AGBL2: variants seen among roughly 807,000 people sequenced by gnomAD.
AGBL2 encodes the protein cytosolic carboxypeptidase 2.
In AGBL2, 87 loss-of-function variants were observed where a neutral mutation model predicts 103.0. The ratio of observed to expected loss-of-function variants is 0.84; its 90% CI spans 0.71 to 1.01. The LOEUF is 1.01. Ranked by LOEUF, AGBL2 falls within the 50% of genes least tolerant of loss-of-function variation. The pLI is 0.00. For missense variants in AGBL2, 904 were observed against 1,023.5 expected, an observed-to-expected ratio of 0.88 and a Z score of 1.59; for synonymous variants, 335 against 356.7, an observed-to-expected ratio of 0.94 and a Z score of 0.69.
At chr11:47,676,781 T>C (rs938344906) in intron 14 of AGBL2, among the ~76,000 whole-genome samples, 1 of 135,974 alleles carries the variant, frequency 7.4e-6, no homozygotes, top group East Asian at 2.1e-4. Context: ...ATCGCGCCAC[T>C]GCAGCCTGGG....
At chr11:47,711,412 A>T (rs1438198991) in intron 3 of AGBL2, among the ~76,000 whole-genome samples, 1 of 152,130 alleles carries the variant, frequency 6.6e-6, no homozygotes, top group Non-Finnish European at 1.5e-5. Flanking sequence ...TCCTCCCCTC[A>T]CTTGCTTGCC....
At chr11:47,675,199 CTTTTTTTTTT>C (rs34012734) in intron 14 of AGBL2, among the ~76,000 whole-genome samples, 1 of 58,206 alleles carries the variant, frequency 1.7e-5, no homozygotes, top group East Asian at 4.8e-4. Flanking sequence ...TCCCACCAGT[CTTTTTTTTTT>C]TTTTTTTTTT....
chr11:47,706,736 G>T (rs1187250736), intron 4 of AGBL2, among the ~76,000 whole-genome samples: 1 of 151,542 alleles, frequency 6.6e-6, no homozygotes, highest in Non-Finnish European at 1.5e-5. Flanking sequence ...CATATGAAAA[G>T]GCTTTCTCTT....
rs56307962 is a variant in AGBL2 at position 47,679,058 on chromosome 11, C to CAAAAAAAA, written c.2016+907_2016+914dup. On this transcript the variant is annotated intron_variant, in intron 13 of 18. Coordinates refer to ENST00000525123, the MANE Select transcript of AGBL2 (RefSeq NM_024783.4). ...TGGGCGACAGATGGAGACCCTGTCTCAAAAAAAAAAAAAAAAAAAAAAAAA... is the reference window on the plus strand; with the variant it reads ...TGGGCGACAGATGGAGACCCTGTCTCAAAAAAAAAAAAAAAAAAAAAAAAAAAAAAAAA... 8.2e-3 allele frequency among the ~76,000 whole-genome samples: 232 copies of CAAAAAAAA among 28,220 alleles called. 4 individuals carry two copies. Among genetic ancestry groups the CAAAAAAAA allele is most frequent in the Middle Eastern group, 0.036 (1 of 28 alleles). The allele number at this position is 28,220 out of a possible 152,430, so 18.5% of individuals were successfully genotyped here. A position where few individuals can be genotyped will look rare whatever the true frequency, so the allele number is the denominator to read the frequency against.
chr11:47,711,547 TCCC>T (rs2097536424), intron 3 of AGBL2, among the ~76,000 whole-genome samples: 1 of 152,160 alleles, frequency 6.6e-6, no homozygotes, highest in Admixed American at 6.5e-5. Flanking sequence ...AATGTCTCTC[TCCC>T]CATGAAGAGG....
intron 1 of AGBL2, 193 bp downstream of exon 1, chr11:47,714,982 C>T (rs1235321354): frequency 3.0e-6 from 1 of 329,088 alleles, no homozygotes; most frequent in Non-Finnish European, 5.8e-6. Flanking sequence ...GAGATGCTCG[C>T]CACAGGAAAG....
intron 13 of AGBL2, among the ~76,000 whole-genome samples, chr11:47,678,338 A>ATTTTATTT (rs2097385349): frequency 1.0e-5 from 1 of 95,246 alleles, no homozygotes; most frequent in African/African-American, 4.4e-5. Flanking sequence ...TTATTTTATT[A>ATTTTATTT]TTTTATTTTT....
At chr11:47,673,539 C>T (rs567576993) in intron 14 of AGBL2, among the ~76,000 whole-genome samples, 48 of 151,172 alleles carry the variant, frequency 3.2e-4, no homozygotes, top group African/African-American at 1.1e-3. Flanking sequence ...GCAGGAGAAT[C>T]GCTTGAGCCC....
At chr11:47,711,015 TGCA>T in intron 3 of AGBL2, 1 of 356,726 alleles carries the variant, frequency 2.8e-6, no homozygotes, top group Non-Finnish European at 5.4e-6. Context: ...CTCAATAACA[TGCA>T]GTTTACCCAT....
chr11:47,666,683 G>A (rs971400331), intron 17 of AGBL2: 7 of 591,862 alleles, frequency 1.2e-5, no homozygotes, highest in Non-Finnish European at 2.1e-5. Context: ...AGATGGGTGA[G>A]TAGAGGGATG....
chr11:47,714,371 A>G (rs2097544173), intron 2 of AGBL2, 24 bp from the exon 3 acceptor site: 1 of 1,604,882 alleles, frequency 6.2e-7, no homozygotes, highest in Non-Finnish European at 8.5e-7. Flanking sequence ...GGCCACTTCA[A>G]TCAAGATAAT....
At chr11:47,690,882 C>G in intron 9 of AGBL2, 24 bp from the exon 10 acceptor site, 1 of 1,575,744 alleles carries the variant, frequency 6.3e-7, no homozygotes, top group Non-Finnish European at 8.6e-7. Flanking sequence ...AATAGAACAA[C>G]TCTGTAAGCT....
At position 47,696,017 on chromosome 11, in the gene AGBL2, A is replaced by G. The variant is rs1422903966; in HGVS notation, c.694+3429T>C. ...CCGTCTGTACTAAAAATACAAAAAA[A>G]AAAAAAAAAAAAAAAAAAAGAAAAA... is the stretch of plus-strand genomic sequence containing the variant. On this transcript the variant is annotated intron_variant, in intron 8 of 18. Coordinates refer to ENST00000525123, the MANE Select transcript of AGBL2 (RefSeq NM_024783.4). Among the ~76,000 whole-genome samples the G allele has an allele frequency of 2.4e-4, 7 of 29,158 alleles. No homozygotes were observed. In the East Asian group the frequency reaches 6.2e-3, roughly 26 times the overall value. 19.1% of individuals were successfully genotyped at this position (29,158 alleles called of 152,430 possible).
chr11:47,714,381 T>C (rs757840988), intron 2 of AGBL2, 34 bp from the exon 3 acceptor site: 3 of 1,597,046 alleles, frequency 1.9e-6, no homozygotes, highest in Non-Finnish European at 1.7e-6. Context: ...ATCAAGATAA[T>C]GTTTTCAAAC....
chr11:47,690,053 G>T (rs758495965), intron 10 of AGBL2, 23 bp downstream of exon 10: 1 of 1,578,792 alleles, frequency 6.3e-7, no homozygotes, highest in Non-Finnish European at 8.6e-7. Flanking sequence ...GTCACAGAAA[G>T]ATCAACAGAT....
At chr11:47,669,269 T>C (rs2097350148) in intron 14 of AGBL2, among the ~76,000 whole-genome samples, 1 of 152,176 alleles carries the variant, frequency 6.6e-6, no homozygotes, top group South Asian at 2.1e-4. Flanking sequence ...GATCCCACTA[T>C]GTTGCCTGGG....
intron 7 of AGBL2, among the ~76,000 whole-genome samples, chr11:47,699,965 T>C (rs1263945736): frequency 6.8e-6 from 1 of 146,678 alleles, no homozygotes; most frequent in Non-Finnish European, 1.5e-5. Context: ...TTCTTTTCTT[T>C]CTTTTTTTTT....
intron 12 of AGBL2, among the ~76,000 whole-genome samples, chr11:47,680,274 A>C (rs976037178): frequency 6.6e-6 from 1 of 151,670 alleles, no homozygotes; most frequent in Non-Finnish European, 1.5e-5. Context: ...ACATGGTGAA[A>C]GCTCGTCTCT....
chr11:47,663,791 G>C (rs1316938407), intron 17 of AGBL2, among the ~76,000 whole-genome samples: 2 of 151,810 alleles, frequency 1.3e-5, no homozygotes, highest in Non-Finnish European at 2.9e-5. Context: ...CCCGACCTCA[G>C]GTGATCCGCC....
Sources: allele counts gnomAD v4.1 joint callset (sites outside exome capture counted in the v4.1 genomes callset), GRCh38; gene constraint gnomAD v4.1.1; transcripts MANE v1.5; gene names NCBI Gene and HGNC (gene_info 2026-07-23, HGNC 2026-07-21).